Variants in NBAS observed in about 807,000 individuals in gnomAD.
NBAS encodes NBAS subunit of NRZ tethering complex.
Under a neutral mutation model 302.5 loss-of-function variants are expected in NBAS, and 219 were observed. The ratio of observed to expected loss-of-function variants is 0.72; its 90% CI spans 0.65 to 0.81. NBAS has a LOEUF of 0.81. Among genes scored for constraint, NBAS ranks in the 30% least tolerant of loss-of-function variants. The pLI, the probability that NBAS is intolerant of heterozygous loss-of-function variation, is 0.00. For missense variants in NBAS, 2,932 were observed against 2,841.6 expected (o/e 1.03, Z -0.72); for synonymous variants, 1,118 against 1,021.6 (o/e 1.09, Z -1.80).
the NBAS span, among the ~76,000 whole-genome samples, chr2:15,097,948 T>A: frequency 3.6e-5 from 4 of 111,736 alleles, no homozygotes; most frequent in South Asian, 4.8e-4. Flanking sequence ...TATATTATAT[T>A]GTATATAATA....
At chr2:14,784,924 C>T in the NBAS span, among the ~76,000 whole-genome samples, 1 of 152,182 alleles carries the variant, frequency 6.6e-6, no homozygotes, top group African/African-American at 2.4e-5. Flanking sequence ...AGGCAATTTT[C>T]ACGATACTGA....
In NBAS at chr2:15,561,282, G is replaced by A. The variant is rs560008282; in HGVS notation, c.23C>T (p.Pro8Leu). The A allele has an allele frequency of 2.0e-5, 33 of 1,613,578 alleles. No homozygotes were observed. The highest frequency in any genetic ancestry group is 2.7e-5 in the Non-Finnish European group (32 of 1,180,028). Residue 8 changes from proline (P) to leucine (L), a missense_variant, in exon 1 of 52, where the codon CCG (proline) becomes CTG (leucine). By Grantham distance (98) the Pro-to-Leu change is moderately conservative (BLOSUM62 -3). Transcript: ENST00000281513. ...CTCTGCAGTGCCTGGACTCAAAGCC[G>A]GCCCTGACTCGGGGGCCGCCATGTT... MAAPESGPALSPGTAEGE... is the reference protein window; with the variant it reads MAAPESGLALSPGTAEGE...
chr2:15,409,109 T>A (rs114940150), intron 25 of NBAS, among the ~76,000 whole-genome samples: 2 of 152,210 alleles, frequency 1.3e-5, no homozygotes, highest in African/African-American at 2.4e-5. Flanking sequence ...TTAACACATA[T>A]ATATTATTTC....
chr2:14,897,792 T>G, the NBAS span, among the ~76,000 whole-genome samples: 1 of 152,148 alleles, frequency 6.6e-6, no homozygotes, highest in African/African-American at 2.4e-5. Flanking sequence ...ATGACAAGTT[T>G]ATTAAGAAGG....
At chr2:15,423,293 T>A (rs1047639250) in intron 23 of NBAS, among the ~76,000 whole-genome samples, 1 of 152,196 alleles carries the variant, frequency 6.6e-6, no homozygotes, top group African/African-American at 2.4e-5. Flanking sequence ...AGGATGTCAA[T>A]CACAAATGTT....
chr2:15,207,269 CTCCTTTGTTTTGG>C (rs895191423), intron 48 of NBAS, among the ~76,000 whole-genome samples: 19 of 152,306 alleles, frequency 1.2e-4, no homozygotes, highest in African/African-American at 4.6e-4. Context: ...GGGCCTGTAG[CTCCTTTGTTTTGG>C]TCAATTTCTC....
the NBAS span, among the ~76,000 whole-genome samples, chr2:14,989,946 C>A: frequency 6.6e-6 from 1 of 152,102 alleles, no homozygotes; most frequent in Non-Finnish European, 1.5e-5. Flanking sequence ...AGCATCATTA[C>A]AATTCTTTTT....
At chr2:15,221,995 G>C (rs893943025) in intron 47 of NBAS, among the ~76,000 whole-genome samples, 11 of 152,242 alleles carry the variant, frequency 7.2e-5, no homozygotes, top group African/African-American at 2.4e-4. Flanking sequence ...CAATAGAGCA[G>C]AGCCTCAGTT....
intron 38 of NBAS, among the ~76,000 whole-genome samples, chr2:15,316,689 C>T (rs1380327185): frequency 2.0e-5 from 3 of 152,178 alleles, no homozygotes; most frequent in African/African-American, 2.4e-5. Flanking sequence ...TCGGCCATTG[C>T]TGAGGCTTGA....
At chr2:15,378,133 A>T (rs1219889783) in intron 30 of NBAS, among the ~76,000 whole-genome samples, 3 of 152,204 alleles carry the variant, frequency 2.0e-5, no homozygotes, top group African/African-American at 4.8e-5. Context: ...CAAGAAACAA[A>T]AACTGAGAGA....
At chr2:14,823,086 A>T in the NBAS span, among the ~76,000 whole-genome samples, 1 of 152,180 alleles carries the variant, frequency 6.6e-6, no homozygotes. Context: ...TTTAGATAGA[A>T]TTTTTTTAAC....
intron 51 of NBAS, among the ~76,000 whole-genome samples, chr2:15,172,373 G>A (rs1021166549): frequency 1.3e-5 from 2 of 152,124 alleles, no homozygotes; most frequent in African/African-American, 4.8e-5. Flanking sequence ...AGGATTCTCT[G>A]TATAACTGAA....
the NBAS span, among the ~76,000 whole-genome samples, chr2:15,068,033 C>T: frequency 6.6e-6 from 1 of 152,118 alleles, no homozygotes; most frequent in African/African-American, 2.4e-5. Context: ...TTGATAATTT[C>T]TCCAATTACT....
intron 31 of NBAS, among the ~76,000 whole-genome samples, chr2:15,369,507 T>C (rs1025952033): frequency 3.3e-5 from 5 of 152,214 alleles, no homozygotes; most frequent in Admixed American, 6.5e-5. Context: ...AAATGACTTT[T>C]TACTTTATTT....
the NBAS span, among the ~76,000 whole-genome samples, chr2:15,089,406 G>T: frequency 6.6e-6 from 1 of 152,050 alleles, no homozygotes; most frequent in African/African-American, 2.4e-5. Context: ...GAGAGACTTG[G>T]GGCCCTATCC....
At chr2:15,551,560 C>T (rs1283339960) in intron 5 of NBAS, 24 bp from the exon 6 acceptor site, 1 of 1,593,964 alleles carries the variant, frequency 6.3e-7, no homozygotes, top group Admixed American at 1.7e-5. Context: ...AAAATCAAGG[C>T]AAAAGTTTTA....
At chr2:15,228,043 G>C (rs1667216098) in intron 47 of NBAS, among the ~76,000 whole-genome samples, 1 of 152,174 alleles carries the variant, frequency 6.6e-6, no homozygotes, top group African/African-American at 2.4e-5. Flanking sequence ...TCAATAAAGT[G>C]AAGAGACAGC....
chr2:14,811,544 C>T, the NBAS span, among the ~76,000 whole-genome samples: 1 of 152,268 alleles, frequency 6.6e-6, no homozygotes, highest in East Asian at 1.9e-4. Context: ...ACCGGAAGGA[C>T]ATCATGATAC....
rs1225325605 is a variant in NBAS at position 15,424,422 on chromosome 2, C to A, written c.2470G>T (p.Ala824Ser). The change falls in exon 23 of 52, where the codon GCT (alanine) becomes TCT (serine). Residue 824 changes from alanine to serine, a missense_variant. Transcript: ENST00000281513. Reference sequence around the variant, plus strand: ...AACCTTAGTAACTCAGGCTGTGCAGCATACAAGAATTCACTTTCATCTTGG... The same window carrying A: ...AACCTTAGTAACTCAGGCTGTGCAGAATACAAGAATTCACTTTCATCTTGG... ...NLQDESEFLY[A>S]AQPELLRFRM... is the part of the protein sequence containing the mutation. 10 of 1,614,014 alleles carry A rather than the reference C, an allele frequency of 6.2e-6. No homozygotes were observed. The highest frequency in any genetic ancestry group is 8.5e-6 in the Non-Finnish European group (10 of 1,179,996).
Sources: gnomAD v4.1 joint callset for allele counts (sites outside exome capture counted in the v4.1 genomes callset) on GRCh38, gnomAD v4.1.1 for gene constraint, MANE v1.5 for transcripts, NCBI Gene and HGNC (gene_info 2026-07-23, HGNC 2026-07-21) for gene names.